RFC1: variants seen among roughly 807,000 people sequenced by gnomAD.
The protein encoded by RFC1 is replication factor C subunit 1, also known as A1 140 kDa subunit.
In RFC1, 37 loss-of-function variants were observed where a neutral mutation model predicts 137.4. The ratio of observed to expected loss-of-function variants is 0.27; its 90% CI spans 0.21 to 0.35. The LOEUF (loss-of-function observed/expected upper bound fraction) is 0.35, where lower values mean the gene tolerates loss of function less well. Among genes scored for constraint, RFC1 ranks in the 10% least tolerant of loss-of-function variants. The probability of loss-of-function intolerance (pLI) is 1.00; values close to 1 mark genes in which losing one functional copy is unlikely to be tolerated. For missense variants in RFC1, 1,205 were observed against 1,358.5 expected, an observed-to-expected ratio of 0.89 and a Z score of 1.78; for synonymous variants, 429 against 455.7, an observed-to-expected ratio of 0.94 and a Z score of 0.75.
intron 10 of RFC1, among the ~76,000 whole-genome samples, chr4:39,315,213 T>C (rs1208820050): frequency 1.3e-5 from 2 of 152,254 alleles, no homozygotes; most frequent in Non-Finnish European, 2.9e-5. Flanking sequence ...TTCATGTTAC[T>C]AAATGGAACA....
rs112319680 is a variant in RFC1, at chr4:39,310,341, G to C, written c.1488+1104C>G. On this transcript the variant is annotated intron_variant, in intron 12 of 24. Transcript: ENST00000349703. ...GAAGAACTACAGGGAAAAATGTAAG[G>C]TTCGAAAAATATGTACAGGTTAGTT... 3.1e-3 allele frequency among the ~76,000 whole-genome samples: 479 copies of C among 152,296 alleles called. 1 individual carries two copies. Among genetic ancestry groups the C allele is most frequent in the African/African-American group, 0.011 (452 of 41,556 alleles).
chr4:39,351,393 A>G lies in RFC1; in HGVS notation c.87T>C (p.Ser29=). ...TCTTTGCTTTTAAAGTTTCTTCATC[A>G]GACTTTGTTTTCTCATTCTTCTTTA... ...ETVKKNEKTK[S]DEETLKAKKG... Residue 29 remains serine, a synonymous_variant, in exon 2 of 25, where the codon TCT becomes TCC. Transcript: ENST00000349703. 6.4e-7 allele frequency: 1 copy of G among 1,573,010 alleles called. No individual in the cohort carries two copies. The highest frequency in any genetic ancestry group is 8.6e-7 in the Non-Finnish European group (1 of 1,164,880).
At position 39,321,278 on chromosome 4, in the gene RFC1, T is replaced by C. The variant is rs767418727; in HGVS notation, c.808+9A>G. 4 of 1,603,732 alleles carry C rather than the reference T, an allele frequency of 2.5e-6. No individual in the cohort carries two copies. The stretch of plus-strand genomic sequence containing the variant: ...AGTGCTCCATCTTACTTTTTTCTGC[T>C]AGTATTACCTTTATGAGGATATTTA... On this transcript the variant is annotated intron_variant, in intron 8 of 24. Transcript: ENST00000349703.
chr4:39,308,608 A>AC, intron 13 of RFC1, 28 bp downstream of exon 13: 1 of 1,592,640 alleles, frequency 6.3e-7, no homozygotes, highest in Non-Finnish European at 8.6e-7. Flanking sequence ...ATACACACAC[A>AC]CAAAAATGAG....
At chr4:39,348,334 A>G (rs1361155878) in intron 2 of RFC1, among the ~76,000 whole-genome samples, 1 of 148,852 alleles carries the variant, frequency 6.7e-6, no homozygotes, top group African/African-American at 2.5e-5. Context: ...GAGGCAGGAG[A>G]TTCACTTGAA....
At chr4:39,346,561 T>C (rs960806068) in intron 2 of RFC1, among the ~76,000 whole-genome samples, 2 of 151,842 alleles carry the variant, frequency 1.3e-5, no homozygotes, top group Admixed American at 1.3e-4. Flanking sequence ...TTCTAACATA[T>C]TCAAATTTTC....
At chr4:39,349,563 C>T (rs910418088) in intron 2 of RFC1, among the ~76,000 whole-genome samples, 10 of 152,212 alleles carry the variant, frequency 6.6e-5, no homozygotes, top group Admixed American at 6.5e-4. Context: ...CCTCACCAGA[C>T]ACCTAATCAG....
chr4:39,291,562 TA>T, intron 23 of RFC1, 76 bp downstream of exon 23: 2 of 1,048,574 alleles, frequency 1.9e-6, no homozygotes, highest in Non-Finnish European at 3.0e-6. Context: ...TTAAAGCATC[TA>T]AAACACCTCC....
In RFC1 at chr4:39,288,756, T is replaced by C; in HGVS notation, c.*5A>G. The C allele has an allele frequency of 5.6e-6, 9 of 1,597,560 alleles. No individual in the cohort carries two copies. The highest frequency in any genetic ancestry group is 6.9e-6 in the Non-Finnish European group (8 of 1,165,692). On this transcript the variant is annotated 3_prime_UTR_variant, in exon 25 of 25. Transcript: ENST00000349703. Reference sequence around the variant, plus strand: ...AAAAGTGGCTGTCGCTAGTGAAAAATGGTTTCATTTCTTCGAACTTTTTCC... The same window carrying C: ...AAAAGTGGCTGTCGCTAGTGAAAAACGGTTTCATTTCTTCGAACTTTTTCC...
intron 4 of RFC1, among the ~76,000 whole-genome samples, chr4:39,337,306 G>A (rs753244690): frequency 6.6e-6 from 1 of 151,806 alleles, no homozygotes; most frequent in Non-Finnish European, 1.5e-5. Context: ...CCTGGGAGGC[G>A]GAGGTTGCGG....
chr4:39,295,770 A>G lies in RFC1; in HGVS notation c.2809-11T>C, dbSNP rs898702696. Reference sequence around the variant, plus strand: ...ACTGGCATAAATGGCCTGAAAAAAAATCAATTGCAGTCCAGAATTTATGTT... The same window carrying G: ...ACTGGCATAAATGGCCTGAAAAAAAGTCAATTGCAGTCCAGAATTTATGTT... On this transcript the variant is annotated splice_polypyrimidine_tract_variant and intron_variant, in intron 21 of 24. Coordinates refer to ENST00000349703, the MANE Select transcript of RFC1 (RefSeq NM_002913.5). The G allele has an allele frequency of 1.2e-6, 2 of 1,604,958 alleles. No homozygotes were observed. The highest frequency in any genetic ancestry group is 1.7e-6 in the Non-Finnish European group (2 of 1,176,622).
chr4:39,328,824 G>C (rs1739922314), intron 4 of RFC1, among the ~76,000 whole-genome samples: 1 of 152,106 alleles, frequency 6.6e-6, no homozygotes, highest in African/African-American at 2.4e-5. Flanking sequence ...TGAATGCAGG[G>C]AGACCACTTA....
chr4:39,350,778 A>G (rs928887066), intron 2 of RFC1, among the ~76,000 whole-genome samples: 1 of 152,302 alleles, frequency 6.6e-6, no homozygotes, highest in East Asian at 1.9e-4. Context: ...TTAGACGAAA[A>G]CTCAGATCTT....
chr4:39,357,351 G>A (rs1483454434), intron 1 of RFC1, among the ~76,000 whole-genome samples: 1 of 152,166 alleles, frequency 6.6e-6, no homozygotes, highest in Non-Finnish European at 1.5e-5. Flanking sequence ...TTGAGCTTTA[G>A]ACTACGCATT....
At chr4:39,337,021 T>C (rs1433604457) in intron 4 of RFC1, among the ~76,000 whole-genome samples, 1 of 152,120 alleles carries the variant, frequency 6.6e-6, no homozygotes, top group Non-Finnish European at 1.5e-5. Flanking sequence ...CATCCAAAGA[T>C]CTAGATTCTT....
chr4:39,347,257 C>T (rs914615100), intron 2 of RFC1, among the ~76,000 whole-genome samples: 1 of 152,198 alleles, frequency 6.6e-6, no homozygotes, highest in Non-Finnish European at 1.5e-5. Flanking sequence ...AAGCAGACTG[C>T]CCTCCCTAAT....
intron 21 of RFC1, among the ~76,000 whole-genome samples, chr4:39,296,515 T>C (rs1401340008): frequency 7.0e-6 from 1 of 142,054 alleles, no homozygotes; most frequent in African/African-American, 2.6e-5. Flanking sequence ...TGGTTTTTTG[T>C]TCTTGCAATA....
Position 39,302,293 on chromosome 4 carries a change from T to G in RFC1, c.2520A>C (p.Lys840Asn), listed in dbSNP as rs1738398778. 2 of 1,608,704 alleles carry G rather than the reference T, an allele frequency of 1.2e-6. No homozygotes were observed. The highest frequency in any genetic ancestry group is 4.5e-5 in the East Asian group (2 of 44,826). ...TTTATTTTACCATTTTGATATCCTT[T>G]TTGGCTCTGTGAGAATCAGCTTTGG... is the stretch of plus-strand genomic sequence containing the variant. ...DQAKADSHRAKKDIKMGPFDV... is the reference protein window; with the variant it reads ...DQAKADSHRANKDIKMGPFDV... Residue 840 changes from lysine to asparagine, a missense_variant, in exon 19 of 25, where the codon AAA (lysine) becomes AAC (asparagine). This residue lies in a region of RFC1 where 962 missense variants were observed against 1,035.3 expected (regional missense o/e 0.93). Coordinates refer to ENST00000349703, the MANE Select transcript of RFC1 (RefSeq NM_002913.5).
intron 1 of RFC1, among the ~76,000 whole-genome samples, chr4:39,359,746 C>T (rs889402499): frequency 1.7e-4 from 25 of 151,162 alleles, no homozygotes; most frequent in Non-Finnish European, 3.5e-4. Flanking sequence ...GGCATGAACC[C>T]GGGAGGCGGA....
Sources: allele counts gnomAD v4.1 joint callset (sites outside exome capture counted in the v4.1 genomes callset), GRCh38; gene constraint gnomAD v4.1.1; regional missense constraint gnomAD v4.1.1; transcripts MANE v1.5; gene names NCBI Gene and HGNC (gene_info 2026-07-23, HGNC 2026-07-21).